XYLB: variants seen among roughly 807,000 people sequenced by gnomAD.
XYLB encodes xylulokinase.
A neutral mutation model predicts 78.7 loss-of-function variants in XYLB; 62 were observed. The observed-to-expected ratio is 0.79, with a 90% CI of 0.64 to 0.97. The LOEUF is 0.97. XYLB is among the 50% of genes least tolerant of loss of function. The pLI is 0.00. For synonymous variants in XYLB, 245 were observed against 247.4 expected (o/e 0.99, Z 0.09); for missense variants, 687 against 676.8 (o/e 1.02, Z -0.17).
the XYLB span, among the ~76,000 whole-genome samples, chr3:38,432,692 C>A: frequency 6.6e-6 from 1 of 152,242 alleles, no homozygotes; most frequent in Non-Finnish European, 1.5e-5. Context: ...TCCAACAAGG[C>A]AGCAATTAAA....
chr3:38,423,078 T>C (rs953742163), downstream of XYLB, among the ~76,000 whole-genome samples: 7 of 152,068 alleles, frequency 4.6e-5, no homozygotes, highest in Non-Finnish European at 1.0e-4. Flanking sequence ...TTATTATTAT[T>C]ATTATTTTTC....
intron 13 of XYLB, 37 bp downstream of exon 13, chr3:38,376,269 C>T (rs1393090591): frequency 6.8e-7 from 1 of 1,464,282 alleles, no homozygotes; most frequent in Admixed American, 1.7e-5. Flanking sequence ...TGTGAAGGGT[C>T]AGCAGCTGCC....
intron 11 of XYLB, 103 bp downstream of exon 11, chr3:38,374,605 C>T (rs944546984): frequency 1.3e-6 from 2 of 1,491,834 alleles, no homozygotes; most frequent in African/African-American, 2.8e-5. Flanking sequence ...CCCAGGGTCC[C>T]AGGGTCTGGG....
At chr3:38,374,309 C>A (rs1304311073) in intron 10 of XYLB, among the ~76,000 whole-genome samples, 153 bp from the exon 11 acceptor site, 1 of 152,154 alleles carries the variant, frequency 6.6e-6, no homozygotes, top group Non-Finnish European at 1.5e-5. Flanking sequence ...CTTAGGGCCT[C>A]CTGAGCGCTC....
intron 18 of XYLB, among the ~76,000 whole-genome samples, chr3:38,411,969 A>C (rs565492175): frequency 2.0e-5 from 3 of 148,606 alleles, no homozygotes; most frequent in Admixed American, 6.8e-5. Context: ...TGTCTGTATG[A>C]TGTGGATCTC....
Position 38,366,853 on chromosome 3 carries a change from G to A in XYLB, c.553G>A (p.Glu185Lys), listed in dbSNP as rs761492882. ...TGCAAAAATTTACCAGCAGAACCCC[G>A]AGGCCTACTCACATACGGAGGTTGG... ...QIAKIYQQNP[E>K]AYSHTERISL... is the part of the protein sequence containing the mutation. The change falls in exon 7 of 19, where the codon GAG becomes AAG. Residue 185 changes from glutamate (E) to lysine (K), a missense_variant. Coordinates refer to ENST00000207870, the MANE Select transcript of XYLB (RefSeq NM_005108.4). 27 of 1,612,884 alleles carry A rather than the reference G, an allele frequency of 1.7e-5. No individual in the cohort carries two copies. The Admixed American group carries it at 2.3e-4, about 14-fold the overall frequency.
chr3:38,444,153 T>C, the XYLB span, among the ~76,000 whole-genome samples: 1 of 152,236 alleles, frequency 6.6e-6, no homozygotes, highest in Non-Finnish European at 1.5e-5. Context: ...AGGTTTGCCC[T>C]AGACCCTGTA....
chr3:38,429,199 G>C, the XYLB span, among the ~76,000 whole-genome samples: 1 of 152,008 alleles, frequency 6.6e-6, no homozygotes, highest in Non-Finnish European at 1.5e-5. Flanking sequence ...GGCTATTATT[G>C]GACTAGCATA....
intron 18 of XYLB, among the ~76,000 whole-genome samples, chr3:38,403,845 G>A (rs533179671): frequency 2.6e-5 from 4 of 152,174 alleles, no homozygotes; most frequent in African/African-American, 7.2e-5. Flanking sequence ...GCCCATGGCC[G>A]AAATCACTGA....
intron 4 of XYLB, 28 bp from the exon 5 acceptor site, chr3:38,365,171 G>GT (rs1272334375): frequency 6.2e-7 from 1 of 1,611,338 alleles, no homozygotes; most frequent in Non-Finnish European, 8.5e-7. Flanking sequence ...GTGTGGTCAT[G>GT]TGACCATGTG....
chr3:38,389,560 G>A (rs1707558646), intron 15 of XYLB, among the ~76,000 whole-genome samples: 1 of 150,078 alleles, frequency 6.7e-6, no homozygotes, highest in Non-Finnish European at 1.5e-5. Context: ...CAGACGGGGC[G>A]GCTGGCCGGG....
At chr3:38,447,768 G>A in the XYLB span, among the ~76,000 whole-genome samples, 1 of 152,024 alleles carries the variant, frequency 6.6e-6, no homozygotes, top group East Asian at 1.9e-4. Context: ...CAAAGGAAAA[G>A]GAATCAATAT....
At chr3:38,359,259 G>A (rs1036968255) in intron 2 of XYLB, among the ~76,000 whole-genome samples, 3 of 152,238 alleles carry the variant, frequency 2.0e-5, no homozygotes, top group African/African-American at 7.2e-5. Context: ...GGCACAGATC[G>A]CTTATGCCAT....
At chr3:38,429,100 A>C in the XYLB span, among the ~76,000 whole-genome samples, 1 of 152,334 alleles carries the variant, frequency 6.6e-6, no homozygotes, top group South Asian at 2.1e-4. Context: ...TGCTGAATGC[A>C]AGAATATTAA....
chr3:38,389,400 C>T (rs1265075231), intron 15 of XYLB, among the ~76,000 whole-genome samples: 28 of 152,144 alleles, frequency 1.8e-4, no homozygotes, highest in Non-Finnish European at 3.1e-4. Context: ...CACCTTTCCC[C>T]CTTTTCTATT....
chr3:38,352,196 T>C (rs1357748618), intron 2 of XYLB, among the ~76,000 whole-genome samples: 3 of 152,186 alleles, frequency 2.0e-5, no homozygotes, highest in African/African-American at 4.8e-5. Context: ...GAAAAGTCTT[T>C]TTTTTTCTTT....
chr3:38,372,700 G>A lies in XYLB; in HGVS notation c.811G>A (p.Gly271Arg). 10 of 1,614,160 alleles carry A rather than the reference G, an allele frequency of 6.2e-6. No homozygotes were observed. The highest frequency in any genetic ancestry group is 8.5e-6 in the Non-Finnish European group (10 of 1,180,020). ...YYVQRYGFPP[G>R]CKVVAFTGDN... Reference sequence around the variant, plus strand: ...CGTCCAGCGCTACGGATTTCCTCCAGGATGCAAAGTGGTGGCCTTCACTGG... The same window carrying A: ...CGTCCAGCGCTACGGATTTCCTCCAAGATGCAAAGTGGTGGCCTTCACTGG... Residue 271 changes from glycine (G) to arginine (R), a missense_variant, in exon 10 of 19, where the codon GGA (glycine) becomes AGA (arginine). Physicochemically the swap from Gly to Arg is moderately radical, Grantham distance 125. Coordinates refer to ENST00000207870, the MANE Select transcript of XYLB (RefSeq NM_005108.4).
Position 38,376,994 on chromosome 3 carries a change from A to G in XYLB, c.1194+3A>G, listed in dbSNP as rs755683445. On this transcript the variant is annotated splice_donor_region_variant and intron_variant, in intron 14 of 18. Coordinates refer to ENST00000207870, the MANE Select transcript of XYLB (RefSeq NM_005108.4). ...GGTTTAACACAGAAAACCACAAGGTACATGTGCTGTTGGTGTTGGAGTTAC... is the reference window on the plus strand; with the variant it reads ...GGTTTAACACAGAAAACCACAAGGTGCATGTGCTGTTGGTGTTGGAGTTAC... 5 of 1,613,230 alleles carry G rather than the reference A, an allele frequency of 3.1e-6. No individual in the cohort carries two copies. The highest frequency in any genetic ancestry group is 2.5e-6 in the Non-Finnish European group (3 of 1,179,364).
In XYLB at chr3:38,397,081, G is replaced by T. The variant is rs779039874; in HGVS notation, c.1360G>T (p.Asp454Tyr). 2 of 1,614,180 alleles carry T rather than the reference G, an allele frequency of 1.2e-6. No homozygotes were observed. The highest frequency in any genetic ancestry group is 3.3e-5 in the Admixed American group (2 of 60,028). The change falls in exon 17 of 19, where the codon GAT becomes TAT. Residue 454 changes from aspartate to tyrosine, a missense_variant. By Grantham distance (160) the Asp-to-Tyr change is radical. Coordinates refer to ENST00000207870, the MANE Select transcript of XYLB (RefSeq NM_005108.4). ...HNREILQVLA[D>Y]VFDAPVYVID... ...TCTGTGTCCTTTTCAGGTGCTTGCA[G>T]ATGTGTTTGATGCCCCGGTGTATGT...
Sources: gnomAD v4.1 joint callset for allele counts (sites outside exome capture counted in the v4.1 genomes callset) on GRCh38, gnomAD v4.1.1 for gene constraint, MANE v1.5 for transcripts, NCBI Gene and HGNC (gene_info 2026-07-23, HGNC 2026-07-21) for gene names.